Variants in ALK observed in about 807,000 individuals in gnomAD.
ALK encodes the protein ALK tyrosine kinase receptor.
ALK carries 74 observed loss-of-function variants against 163.1 expected under a neutral mutation model. The observed-to-expected ratio is 0.45, with a 90% CI of 0.38 to 0.55. The LOEUF is 0.55. Ranked by LOEUF, ALK falls within the 20% of genes least tolerant of loss-of-function variation. The pLI is 0.00. For missense variants in ALK, 2,063 were observed against 2,105.3 expected (o/e 0.98, Z 0.39); for synonymous variants, 960 against 843.2 (o/e 1.14, Z -2.40).
intron 3 of ALK, among the ~76,000 whole-genome samples, chr2:29,628,246 A>G (rs1048544009): frequency 1.2e-4 from 18 of 152,220 alleles, no homozygotes; most frequent in African/African-American, 4.3e-4. Context: ...AGCATTTTAC[A>G]TTTGTCAACA....
intron 4 of ALK, among the ~76,000 whole-genome samples, chr2:29,485,070 G>T (rs547444651): frequency 1.9e-4 from 29 of 152,018 alleles, no homozygotes; most frequent in African/African-American, 6.5e-4. Flanking sequence ...AAATAATTCT[G>T]CCCTTCTTCG....
At chr2:29,351,161 C>T (rs998439366) in intron 5 of ALK, among the ~76,000 whole-genome samples, 3 of 152,220 alleles carry the variant, frequency 2.0e-5, no homozygotes, top group Admixed American at 2.0e-4. Context: ...TATATTGTGG[C>T]TTCTATTTTG....
intron 5 of ALK, among the ~76,000 whole-genome samples, chr2:29,329,812 T>A (rs1667386341): frequency 6.6e-6 from 1 of 152,246 alleles, no homozygotes; most frequent in Non-Finnish European, 1.5e-5. Context: ...AATTTCTCCA[T>A]CTACTTTAGC....
At chr2:29,267,451 C>A (rs1280919076) in intron 11 of ALK, among the ~76,000 whole-genome samples, 2 of 152,190 alleles carry the variant, frequency 1.3e-5, no homozygotes, top group African/African-American at 4.8e-5. Flanking sequence ...AGATAACTAT[C>A]CAGGCACCCC....
chr2:29,521,307 G>C (rs1672805314), intron 4 of ALK, among the ~76,000 whole-genome samples: 2 of 152,152 alleles, frequency 1.3e-5, no homozygotes, highest in Admixed American at 1.3e-4. Flanking sequence ...CCTGCTCTCA[G>C]TGGCCTCCCC....
chr2:29,395,235 A>G (rs1022864299), intron 4 of ALK, among the ~76,000 whole-genome samples: 3 of 152,166 alleles, frequency 2.0e-5, no homozygotes, highest in Non-Finnish European at 2.9e-5. Flanking sequence ...GCTCCATTTC[A>G]GCCATAAATC....
At chr2:29,890,036 T>C (rs140730450) in intron 1 of ALK, among the ~76,000 whole-genome samples, 3,384 of 152,304 alleles carry the variant, frequency 0.022, 70 homozygotes, top group Middle Eastern at 0.078. Flanking sequence ...CCAGGCCATT[T>C]GCACTCTCAG....
At chr2:29,592,555 C>T (rs1436906893) in intron 3 of ALK, among the ~76,000 whole-genome samples, 1 of 152,190 alleles carries the variant, frequency 6.6e-6, no homozygotes, top group Non-Finnish European at 1.5e-5. Flanking sequence ...GCCTCCTTCT[C>T]CTCACTTCCT....
chr2:29,267,082 C>G (rs963315195), intron 11 of ALK, among the ~76,000 whole-genome samples: 4 of 148,066 alleles, frequency 2.7e-5, no homozygotes, highest in African/African-American at 7.6e-5. Context: ...TACTAGAAGA[C>G]TCTCTCTCTC....
chr2:29,730,794 C>T (rs1367648628), intron 1 of ALK, among the ~76,000 whole-genome samples: 1 of 152,224 alleles, frequency 6.6e-6, no homozygotes, highest in Admixed American at 6.5e-5. Context: ...TCCCAGTGTG[C>T]TGACAGGCTC....
intron 4 of ALK, among the ~76,000 whole-genome samples, chr2:29,399,534 G>A (rs1215313819): frequency 6.6e-6 from 1 of 152,250 alleles, no homozygotes; most frequent in Non-Finnish European, 1.5e-5. Flanking sequence ...ATGCTCAGAA[G>A]ATTAGCTAGT....
intron 3 of ALK, among the ~76,000 whole-genome samples, chr2:29,571,146 A>G (rs1304547258): frequency 6.6e-6 from 1 of 152,176 alleles, no homozygotes; most frequent in Non-Finnish European, 1.5e-5. Flanking sequence ...GAAAATGAAC[A>G]GCTTTGCAGA....
At chr2:29,485,054 T>TAG (rs1422338513) in intron 4 of ALK, among the ~76,000 whole-genome samples, 3 of 152,228 alleles carry the variant, frequency 2.0e-5, no homozygotes, top group Non-Finnish European at 4.4e-5. Flanking sequence ...AGTGAACCTT[T>TAG]TATCTAAATA....
chr2:29,462,688 G>A (rs112259024), intron 4 of ALK, among the ~76,000 whole-genome samples: 4 of 152,272 alleles, frequency 2.6e-5, no homozygotes, highest in Non-Finnish European at 4.4e-5. Context: ...TTGCTTTATC[G>A]TGGTGGTCTG....
intron 26 of ALK, 80 bp downstream of exon 26, chr2:29,207,091 G>A (rs1467233363): frequency 1.3e-5 from 15 of 1,113,024 alleles, no homozygotes; most frequent in East Asian, 4.7e-5. Flanking sequence ...ACGGGCTCCC[G>A]GCTTAGAGTA....
intron 1 of ALK, among the ~76,000 whole-genome samples, chr2:29,789,141 C>T (rs1237773623): frequency 1.3e-5 from 2 of 151,710 alleles, no homozygotes; most frequent in South Asian, 2.1e-4. Flanking sequence ...ACCATAATTA[C>T]TACCATTTAT....
At chr2:29,619,464 C>T (rs1460907601) in intron 3 of ALK, among the ~76,000 whole-genome samples, 1 of 152,208 alleles carries the variant, frequency 6.6e-6, no homozygotes, top group African/African-American at 2.4e-5. Flanking sequence ...CTCCCTTCTC[C>T]CCTTTTCTGT....
At chr2:29,640,099 A>G (rs940340787) in intron 3 of ALK, among the ~76,000 whole-genome samples, 14 of 152,210 alleles carry the variant, frequency 9.2e-5, no homozygotes, top group Admixed American at 7.9e-4. Context: ...AGGGAGGTCC[A>G]GTGCCTCCAG....
At chr2:29,390,849 C>A (rs181020570) in intron 4 of ALK, among the ~76,000 whole-genome samples, 32 of 152,304 alleles carry the variant, frequency 2.1e-4, no homozygotes, top group African/African-American at 7.0e-4. Flanking sequence ...TTACACATGG[C>A]GTGTGGCATG....
Sources: gnomAD v4.1 joint callset for allele counts (sites outside exome capture counted in the v4.1 genomes callset) on GRCh38, gnomAD v4.1.1 for gene constraint, MANE v1.5 for transcripts, NCBI Gene and HGNC (gene_info 2026-07-23, HGNC 2026-07-21) for gene names.